SLC39A10: variants seen among roughly 807,000 people sequenced by gnomAD.
The protein encoded by SLC39A10 is solute carrier family 39 member 10, also known as zinc transporter ZIP10.
SLC39A10 carries 13 observed loss-of-function variants against 65.1 expected under a neutral mutation model. The observed-to-expected ratio is 0.20, with a 90% CI of 0.13 to 0.32. SLC39A10 has a LOEUF of 0.32. SLC39A10 is among the 10% of genes least tolerant of loss of function. SLC39A10 has a pLI of 1.00. For synonymous variants in SLC39A10, 321 were observed against 342.2 expected (o/e 0.94, Z 0.68); for missense variants, 831 against 1,018.4 (o/e 0.82, Z 2.50).
At chr2:195,639,114 C>T (rs1688750717) in intron 2 of SLC39A10, among the ~76,000 whole-genome samples, 1 of 152,088 alleles carries the variant, frequency 6.6e-6, no homozygotes, top group African/African-American at 2.4e-5. Context: ...CACCACCATG[C>T]TTGGCGAATT....
intron 3 of SLC39A10, among the ~76,000 whole-genome samples, chr2:195,697,297 G>T (rs1389006423): frequency 6.6e-6 from 1 of 152,094 alleles, no homozygotes; most frequent in Non-Finnish European, 1.5e-5. Flanking sequence ...TGTCTGTAGG[G>T]GGGTACTAGA....
chr2:195,640,016 C>G (rs1268636381), intron 2 of SLC39A10, among the ~76,000 whole-genome samples: 1 of 151,838 alleles, frequency 6.6e-6, no homozygotes, highest in African/African-American at 2.4e-5. Flanking sequence ...GATTATAATC[C>G]AAAACTGTTT....
upstream of SLC39A10, among the ~76,000 whole-genome samples, chr2:195,653,569 A>G: frequency 6.6e-6 from 1 of 152,180 alleles, no homozygotes. Context: ...TGCTGGGATT[A>G]CAAGCGTGAG....
intron 2 of SLC39A10, among the ~76,000 whole-genome samples, chr2:195,629,422 G>C (rs1241694941): frequency 1.3e-5 from 2 of 148,276 alleles, no homozygotes; most frequent in African/African-American, 5.0e-5. Context: ...AGTTATCCTT[G>C]ACCTTCAACC....
Position 195,698,801 on chromosome 2 carries a change from G to C in SLC39A10, c.1217-7815G>C, listed in dbSNP as rs4531948. Among the ~76,000 whole-genome samples, 2,884 of 151,952 alleles carry C rather than the reference G, an allele frequency of 0.019. 231 individuals carry two copies. In the East Asian group the frequency reaches 0.26, roughly 14 times the overall value. ...TCTTGTAGTGTCTTTGATACCTTTAGTATCAGGGTAATGCTGGCCTCATAG... is the reference window on the plus strand; with the variant it reads ...TCTTGTAGTGTCTTTGATACCTTTACTATCAGGGTAATGCTGGCCTCATAG... On this transcript the variant is annotated intron_variant, in intron 3 of 9. Coordinates refer to ENST00000359634, the MANE Select transcript of SLC39A10 (RefSeq NM_020342.3).
At chr2:195,625,405 A>G (rs1022748892) in intron 2 of SLC39A10, among the ~76,000 whole-genome samples, 2 of 151,186 alleles carry the variant, frequency 1.3e-5, no homozygotes, top group African/African-American at 4.9e-5. Flanking sequence ...TCTCCCGAGT[A>G]GCTGGAATTA....
chr2:195,694,608 A>G (rs1206454362), intron 3 of SLC39A10, among the ~76,000 whole-genome samples: 1 of 152,142 alleles, frequency 6.6e-6, no homozygotes, highest in Non-Finnish European at 1.5e-5. Context: ...ATCCACCTTC[A>G]GGTCTGTCAG....
intron 2 of SLC39A10, among the ~76,000 whole-genome samples, chr2:195,644,858 C>T (rs1688879583): frequency 6.6e-6 from 1 of 150,530 alleles, no homozygotes; most frequent in Admixed American, 6.6e-5. Flanking sequence ...TCAAGTTTTG[C>T]CCAGTTGCCT....
chr2:195,642,072 T>G (rs1450811497), intron 2 of SLC39A10, among the ~76,000 whole-genome samples: 1 of 152,174 alleles, frequency 6.6e-6, no homozygotes, highest in Non-Finnish European at 1.5e-5. Context: ...AGATATTGTT[T>G]GTCAGCGAAA....
intron 3 of SLC39A10, among the ~76,000 whole-genome samples, chr2:195,704,954 C>T (rs536689762): frequency 5.3e-5 from 8 of 152,150 alleles, no homozygotes; most frequent in Admixed American, 2.0e-4. Context: ...TGTACCACCG[C>T]GCTTGGCTAA....
At chr2:195,625,437 G>A (rs1444646966) in intron 2 of SLC39A10, among the ~76,000 whole-genome samples, 1 of 151,426 alleles carries the variant, frequency 6.6e-6, no homozygotes. Context: ...CACCACGCCC[G>A]GCTAATTTTT....
At chr2:195,715,939 G>C (rs1349285031) in intron 6 of SLC39A10, among the ~76,000 whole-genome samples, 1 of 152,230 alleles carries the variant, frequency 6.6e-6, no homozygotes, top group African/African-American at 2.4e-5. Flanking sequence ...ATAGGACTGA[G>C]AAGGAATATT....
In SLC39A10 at chr2:195,735,869, T is replaced by C. The variant is rs991110365; in HGVS notation, c.*828T>C. The C allele has an allele frequency of 6.8e-6, 1 of 147,738 alleles. No individual in the cohort carries two copies. Among genetic ancestry groups the C allele is most frequent in the Admixed American group, 6.9e-5 (1 of 14,514 alleles). 9.2% of individuals were successfully genotyped at this position (147,738 alleles called of 1,614,324 possible). ...TGGAGCATGTGGTCTTTTTAAAAAA[T>C]TGTAACCCTCTAGAAAATATCAAAG... On this transcript the variant is annotated 3_prime_UTR_variant, in exon 10 of 10. Coordinates refer to ENST00000359634, the MANE Select transcript of SLC39A10 (RefSeq NM_020342.3).
chr2:195,659,131 A>T (rs1199965074), intron 1 of SLC39A10, among the ~76,000 whole-genome samples: 3 of 152,224 alleles, frequency 2.0e-5, no homozygotes, highest in African/African-American at 7.2e-5. Context: ...AGAGGTTAAG[A>T]TAAATCTTTT....
chr2:195,630,103 ATG>A (rs35865354), intron 2 of SLC39A10, among the ~76,000 whole-genome samples: 9,953 of 131,644 alleles, frequency 0.076, 914 homozygotes, highest in East Asian at 0.27. Context: ...CTCATTTTAT[ATG>A]TGTGTGTGTG....
At chr2:195,640,408 A>C (rs1445239055) in intron 2 of SLC39A10, among the ~76,000 whole-genome samples, 1 of 152,040 alleles carries the variant, frequency 6.6e-6, no homozygotes, top group African/African-American at 2.4e-5. Flanking sequence ...GACACCACTA[A>C]AAATTTATAT....
At chr2:195,710,677 A>C (rs978394887) in intron 5 of SLC39A10, among the ~76,000 whole-genome samples, 3 of 152,212 alleles carry the variant, frequency 2.0e-5, no homozygotes, top group African/African-American at 7.2e-5. Flanking sequence ...TGTATATTTT[A>C]GTTATATTTA....
intron 2 of SLC39A10, among the ~76,000 whole-genome samples, chr2:195,635,383 G>A (rs937836595): frequency 6.6e-6 from 1 of 152,184 alleles, no homozygotes; most frequent in Non-Finnish European, 1.5e-5. Flanking sequence ...CATGGAACCT[G>A]GGAGCCCTGA....
At position 195,680,910 on chromosome 2, in the gene SLC39A10, C is replaced by G; in HGVS notation, c.868C>G (p.Pro290Ala). The part of the protein sequence containing the change: ...VHLPERNGHD[P>A]GRGHQDLDPD... Reference sequence around the variant, plus strand: ...TCTTCCAGAACGTAATGGTCATGATCCTGGTCGTGGACACCAAGATCTTGA... The same window carrying G: ...TCTTCCAGAACGTAATGGTCATGATGCTGGTCGTGGACACCAAGATCTTGA... Residue 290 changes from proline to alanine, a missense_variant, in exon 2 of 10, where the codon CCT (proline) becomes GCT (alanine). Transcript: ENST00000359634. The G allele has an allele frequency of 6.2e-7, 1 of 1,614,026 alleles. No homozygotes were observed. The highest frequency in any genetic ancestry group is 1.1e-5 in the South Asian group (1 of 91,060).
Sources: gnomAD v4.1 joint callset for allele counts (sites outside exome capture counted in the v4.1 genomes callset) on GRCh38, gnomAD v4.1.1 for gene constraint, MANE v1.5 for transcripts, NCBI Gene and HGNC (gene_info 2026-07-23, HGNC 2026-07-21) for gene names.